GPR137C: variants seen among roughly 807,000 people sequenced by gnomAD.
The protein encoded by GPR137C is integral membrane protein GPR137C.
Under a neutral mutation model 43.4 loss-of-function variants are expected in GPR137C, and 27 were observed. The observed-to-expected ratio is 0.62, with a 90% CI of 0.46 to 0.86. GPR137C has a LOEUF of 0.86. GPR137C is among the 40% of genes least tolerant of loss of function. GPR137C has a pLI of 0.00. For missense variants in GPR137C, 522 were observed against 534.6 expected (o/e 0.98, Z 0.23); for synonymous variants, 285 against 226.9 (o/e 1.26, Z -2.30).
intron 1 of GPR137C, among the ~76,000 whole-genome samples, chr14:52,588,047 T>C (rs1010097901): frequency 4.6e-5 from 7 of 152,220 alleles, no homozygotes; most frequent in South Asian, 2.1e-4. Flanking sequence ...TCTCTAAATA[T>C]TGCTGTATGT....
Position 52,625,420 on chromosome 14 carries a change from T to G in GPR137C, c.718-6740T>G, listed in dbSNP as rs1448467034. ...TCGCTTGAACCCAGGAAGTGGAGGT[T>G]GCAGTGAGCCAAGATTGCACTACTG... On this transcript the variant is annotated intron_variant, in intron 3 of 6. Coordinates refer to ENST00000321662, the MANE Select transcript of GPR137C (RefSeq NM_001099652.2). Among the ~76,000 whole-genome samples the G allele has an allele frequency of 6.3e-5, 9 of 143,444 alleles. No homozygotes were observed. In the East Asian group the frequency reaches 1.9e-3, roughly 30 times the overall value. The allele number at this position is 143,444 out of a possible 152,430, so 94.1% of individuals were successfully genotyped here. A position where few individuals can be genotyped will look rare whatever the true frequency, so the allele number is the denominator to read the frequency against.
chr14:52,631,004 C>T (rs2039287785), intron 3 of GPR137C, among the ~76,000 whole-genome samples: 1 of 152,102 alleles, frequency 6.6e-6, no homozygotes, highest in African/African-American at 2.4e-5. Context: ...GTATTGCTGT[C>T]AATGTCATGA....
At chr14:52,598,391 T>A (rs1166752928) in intron 2 of GPR137C, 76 bp downstream of exon 2, 2 of 615,150 alleles carry the variant, frequency 3.3e-6, no homozygotes, top group South Asian at 2.5e-5. Flanking sequence ...GCTTAGTATC[T>A]AAAAGATCTA....
At chr14:52,614,081 G>C (rs56289337) in intron 3 of GPR137C, among the ~76,000 whole-genome samples, 1,764 of 151,460 alleles carry the variant, frequency 0.012, 29 homozygotes, top group African/African-American at 0.04. Context: ...TTATAGTTTT[G>C]ATTTGTATTT....
intron 1 of GPR137C, among the ~76,000 whole-genome samples, chr14:52,568,563 C>T (rs1027013692): frequency 2.0e-5 from 3 of 152,224 alleles, no homozygotes; most frequent in African/African-American, 4.8e-5. Context: ...ACTTGAAATT[C>T]TTGCTACCAG....
intron 3 of GPR137C, among the ~76,000 whole-genome samples, chr14:52,603,321 C>T (rs1594799198): frequency 6.6e-6 from 1 of 152,068 alleles, no homozygotes; most frequent in Non-Finnish European, 1.5e-5. Context: ...TATACATGTA[C>T]CACATTTTTT....
intron 1 of GPR137C, 33 bp downstream of exon 1, chr14:52,553,624 GC>G: frequency 1.3e-6 from 2 of 1,495,808 alleles, no homozygotes; most frequent in South Asian, 2.5e-5. Flanking sequence ...CGGGGCCCGG[GC>G]GGGTGCGCGG....
At chr14:52,585,478 A>C (rs770076026) in intron 1 of GPR137C, among the ~76,000 whole-genome samples, 3 of 152,182 alleles carry the variant, frequency 2.0e-5, no homozygotes, top group Non-Finnish European at 2.9e-5. Context: ...CTGAATCTTC[A>C]ACCACGAAGA....
At chr14:52,571,076 C>A (rs2038460440) in intron 1 of GPR137C, among the ~76,000 whole-genome samples, 2 of 152,186 alleles carry the variant, frequency 1.3e-5, no homozygotes, top group South Asian at 4.1e-4. Flanking sequence ...TAAAATTGAC[C>A]ACGTAATTGG....
intron 1 of GPR137C, among the ~76,000 whole-genome samples, chr14:52,576,867 A>G (rs1288038785): frequency 1.3e-5 from 2 of 152,202 alleles, no homozygotes; most frequent in Non-Finnish European, 2.9e-5. Context: ...AAATAAAAAT[A>G]TAAACCAGTA....
intron 1 of GPR137C, among the ~76,000 whole-genome samples, chr14:52,592,049 C>G (rs996986677): frequency 1.3e-5 from 2 of 152,180 alleles, no homozygotes; most frequent in African/African-American, 4.8e-5. Context: ...ATATAGCTAG[C>G]CAGTTTTCCC....
chr14:52,593,516 T>C (rs1232474077), intron 1 of GPR137C, among the ~76,000 whole-genome samples: 1 of 152,240 alleles, frequency 6.6e-6, no homozygotes, highest in African/African-American at 2.4e-5. Flanking sequence ...GAACCTGTTA[T>C]TGATCTATTC....
chr14:52,567,665 T>G (rs2038392980), intron 1 of GPR137C, among the ~76,000 whole-genome samples: 2 of 148,920 alleles, frequency 1.3e-5, no homozygotes, highest in Admixed American at 6.7e-5. Context: ...TTTTTTGGTT[T>G]TTTTTTTTTT....
chr14:52,576,753 A>C (rs949637804), intron 1 of GPR137C, among the ~76,000 whole-genome samples: 4 of 152,234 alleles, frequency 2.6e-5, no homozygotes, highest in African/African-American at 9.6e-5. Flanking sequence ...TCCTACCTGC[A>C]CATGGAACAT....
At chr14:52,629,360 A>G (rs1196910026) in intron 3 of GPR137C, among the ~76,000 whole-genome samples, 1 of 152,164 alleles carries the variant, frequency 6.6e-6, no homozygotes, top group Non-Finnish European at 1.5e-5. Flanking sequence ...AAACAAACTC[A>G]TATAATCAGA....
At chr14:52,577,142 G>A (rs145381875) in intron 1 of GPR137C, among the ~76,000 whole-genome samples, 143 of 123,160 alleles carry the variant, frequency 1.2e-3, no homozygotes, top group Middle Eastern at 0.014. Flanking sequence ...AGCCAAATTC[G>A]TGCCACTGCA....
At chr14:52,605,087 T>C (rs955422623) in intron 3 of GPR137C, among the ~76,000 whole-genome samples, 1 of 152,214 alleles carries the variant, frequency 6.6e-6, no homozygotes, top group Non-Finnish European at 1.5e-5. Context: ...TTCTATTTCT[T>C]TGAAGAATGT....
chr14:52,606,989 T>A (rs1380813721), intron 3 of GPR137C, among the ~76,000 whole-genome samples: 1 of 152,198 alleles, frequency 6.6e-6, no homozygotes, highest in Non-Finnish European at 1.5e-5. Context: ...ATGTTGTGTT[T>A]CCATTTTTGT....
intron 3 of GPR137C, among the ~76,000 whole-genome samples, chr14:52,629,335 A>G (rs920945152): frequency 2.0e-5 from 3 of 152,234 alleles, no homozygotes; most frequent in South Asian, 2.1e-4. Flanking sequence ...CAAAGACTCT[A>G]TCTAACTGTC....
Sources: allele counts gnomAD v4.1 joint callset (sites outside exome capture counted in the v4.1 genomes callset), GRCh38; gene constraint gnomAD v4.1.1; transcripts MANE v1.5; gene names NCBI Gene and HGNC (gene_info 2026-07-23, HGNC 2026-07-21).